Variants in DAB1 observed in about 807,000 individuals in gnomAD.
The protein encoded by DAB1 is DAB adaptor protein 1.
In DAB1, 15 loss-of-function variants were observed where a neutral mutation model predicts 64.6. That is an observed-to-expected ratio of 0.23 (90% CI 0.16 to 0.36). The LOEUF (loss-of-function observed/expected upper bound fraction) is 0.36, where lower values mean the gene tolerates loss of function less well. DAB1 is among the 10% of genes least tolerant of loss of function. The pLI is 1.00. For missense variants in DAB1, 596 were observed against 706.7 expected, an observed-to-expected ratio of 0.84 and a Z score of 1.78; for synonymous variants, 235 against 251.9, an observed-to-expected ratio of 0.93 and a Z score of 0.64.
chr1:58,523,792 G>A (rs543069846), intron 2 of DAB1, among the ~76,000 whole-genome samples: 6 of 152,180 alleles, frequency 3.9e-5, no homozygotes, highest in African/African-American at 1.2e-4. Context: ...CCAGCTACTC[G>A]GGAGGCTGAG....
chr1:57,330,480 C>G (rs1267882665), intron 1 of DAB1, among the ~76,000 whole-genome samples: 1 of 152,166 alleles, frequency 6.6e-6, no homozygotes, highest in Non-Finnish European at 1.5e-5. Flanking sequence ...TTTAATCTTA[C>G]TGAGCCTCGG....
At chr1:57,910,590 A>C (rs961840357) in intron 5 of DAB1, among the ~76,000 whole-genome samples, 2 of 152,208 alleles carry the variant, frequency 1.3e-5, no homozygotes, top group Non-Finnish European at 2.9e-5. Context: ...GTCAGGGGGA[A>C]GTTTTTAGAC....
At chr1:57,836,925 A>T (rs1381972846) in intron 1 of DAB1, among the ~76,000 whole-genome samples, 1 of 152,116 alleles carries the variant, frequency 6.6e-6, no homozygotes, top group Admixed American at 6.5e-5. Context: ...CAGCGTCTCC[A>T]TCTCAGAGAA....
intron 4 of DAB1, among the ~76,000 whole-genome samples, chr1:57,074,371 C>T (rs1028893767): frequency 2.0e-5 from 3 of 152,072 alleles, no homozygotes; most frequent in Non-Finnish European, 4.4e-5. Context: ...ACATTGGGAA[C>T]CACTGGAGTA....
intron 4 of DAB1, among the ~76,000 whole-genome samples, chr1:57,132,305 G>A (rs1456536967): frequency 6.6e-6 from 1 of 152,184 alleles, no homozygotes; most frequent in African/African-American, 2.4e-5. Flanking sequence ...ATAGCAGGTA[G>A]GAGGTGAGAG....
chr1:57,828,350 A>T (rs1477059510), intron 1 of DAB1, among the ~76,000 whole-genome samples: 1 of 152,210 alleles, frequency 6.6e-6, no homozygotes, highest in Non-Finnish European at 1.5e-5. Context: ...ATCTGATTTT[A>T]AAACTCCTGC....
intron 7 of DAB1, among the ~76,000 whole-genome samples, chr1:57,551,243 C>T (rs550984389): frequency 3.7e-4 from 56 of 152,288 alleles, no homozygotes; most frequent in African/African-American, 1.3e-3. Context: ...ATCTCCACCA[C>T]TCAGTACATA....
chr1:57,412,057 T>TA (rs1684156669), intron 1 of DAB1, among the ~76,000 whole-genome samples: 1 of 152,166 alleles, frequency 6.6e-6, no homozygotes, highest in African/African-American at 2.4e-5. Flanking sequence ...GCGTTTTCAT[T>TA]ATTATTATAC....
intron 14 of DAB1, among the ~76,000 whole-genome samples, chr1:57,006,608 C>T (rs1646078433): frequency 6.6e-6 from 1 of 152,180 alleles, no homozygotes; most frequent in Non-Finnish European, 1.5e-5. Context: ...AGGACCTCGA[C>T]AGGGAGTCTG....
chr1:58,150,782 G>C (rs1230470684), intron 4 of DAB1, among the ~76,000 whole-genome samples: 1 of 151,802 alleles, frequency 6.6e-6, no homozygotes, highest in East Asian at 1.9e-4. Flanking sequence ...TTGGTGTACT[G>C]CACCCATTAA....
intron 4 of DAB1, among the ~76,000 whole-genome samples, chr1:57,103,713 C>T (rs1343923026): frequency 6.6e-6 from 1 of 152,088 alleles, no homozygotes; most frequent in Non-Finnish European, 1.5e-5. Flanking sequence ...GCAAATGAAG[C>T]CACCAAAAAG....
At chr1:57,198,647 T>A (rs1487055493) in intron 2 of DAB1, among the ~76,000 whole-genome samples, 12 of 112,958 alleles carry the variant, frequency 1.1e-4, no homozygotes, top group South Asian at 6.6e-4. Flanking sequence ...ATCTTCTCTC[T>A]CTCACACACA....
intron 6 of DAB1, among the ~76,000 whole-genome samples, chr1:57,709,599 A>AT (rs1371171951): frequency 1.3e-5 from 2 of 152,172 alleles, no homozygotes; most frequent in African/African-American, 2.4e-5. Context: ...AAGAAAAAAA[A>AT]GAGCTCTCTT....
chr1:57,757,408 T>A (rs548693994), intron 6 of DAB1, among the ~76,000 whole-genome samples: 1 of 151,944 alleles, frequency 6.6e-6, no homozygotes, highest in Admixed American at 6.6e-5. Context: ...AGGCTAGAAA[T>A]CTGTCAGCAG....
Position 57,945,595 on chromosome 1 carries a change from A to C in DAB1, n.388-61433T>G, listed in dbSNP as rs368643073. 1.6e-4 allele frequency among the ~76,000 whole-genome samples: 25 copies of C among 152,266 alleles called. No individual in the cohort carries two copies. The East Asian group carries it at 4.2e-3, about 26-fold the overall frequency. On this transcript the variant is annotated intron_variant and non_coding_transcript_variant, in intron 5 of 20. Transcript: ENST00000485760. ...ACACTTGGCCTGTTTTATTATTAAT[A>C]GCAGTTCTACTGAATGAGAGGTTGA...
chr1:58,360,456 C>T (rs1021678000), intron 3 of DAB1, among the ~76,000 whole-genome samples: 1 of 152,134 alleles, frequency 6.6e-6, no homozygotes, highest in Non-Finnish European at 1.5e-5. Flanking sequence ...TGATACGGAT[C>T]CCTGACCAGC....
intron 3 of DAB1, among the ~76,000 whole-genome samples, chr1:57,144,885 A>G (rs545365025): frequency 6.6e-6 from 1 of 152,172 alleles, no homozygotes; most frequent in Non-Finnish European, 1.5e-5. Context: ...AATGAATAAA[A>G]TCAACTTTTA....
intron 7 of DAB1, among the ~76,000 whole-genome samples, chr1:57,439,052 C>G (rs572058990): frequency 6.6e-6 from 1 of 152,276 alleles, no homozygotes; most frequent in South Asian, 2.1e-4. Context: ...GTGGTTGATT[C>G]AAGGGTGGGT....
At chr1:57,973,550 T>A (rs990006855) in intron 5 of DAB1, among the ~76,000 whole-genome samples, 6 of 152,136 alleles carry the variant, frequency 3.9e-5, no homozygotes, top group Non-Finnish European at 7.3e-5. Flanking sequence ...CACAAAGCCC[T>A]TAAACACAAC....
Sources: allele counts gnomAD v4.1 joint callset (sites outside exome capture counted in the v4.1 genomes callset), GRCh38; gene constraint gnomAD v4.1.1; transcripts MANE v1.5; gene names NCBI Gene and HGNC (gene_info 2026-07-23, HGNC 2026-07-21).